The following PPIL4 variants were observed in gnomAD, a reference collection of about 807,000 sequenced individuals.
PPIL4 encodes the protein peptidyl-prolyl cis-trans isomerase-like 4.
A neutral mutation model predicts 69.1 loss-of-function variants in PPIL4; 50 were observed. The observed-to-expected ratio is 0.72, with a 90% CI of 0.58 to 0.92. PPIL4 has a LOEUF of 0.92. PPIL4 is among the 40% of genes least tolerant of loss of function. The pLI, the probability that PPIL4 is intolerant of heterozygous loss-of-function variation, is 0.00. For missense variants in PPIL4, 480 were observed against 587.9 expected (o/e 0.82, Z 1.90); for synonymous variants, 193 against 191.6 (o/e 1.01, Z -0.06).
intron 1 of PPIL4, among the ~76,000 whole-genome samples, chr6:149,543,130 C>T (rs552255676): frequency 2.2e-4 from 34 of 152,364 alleles, no homozygotes; most frequent in African/African-American, 7.0e-4. Flanking sequence ...CCTTAACCCA[C>T]TGACCAATTT....
At position 149,541,749 on chromosome 6, in the gene PPIL4, C is replaced by T. The variant is rs115085646; in HGVS notation, c.71-163G>A. On this transcript the variant is annotated intron_variant, in intron 1 of 12. Coordinates refer to ENST00000253329, the MANE Select transcript of PPIL4 (RefSeq NM_139126.4). The stretch of plus-strand genomic sequence containing the variant: ...GCAATAGGCCGGGCGCTGGCTCACA[C>T]CTGTAATCGCAGCGCTTTGGGAGGC... Among the ~76,000 whole-genome samples the T allele has an allele frequency of 3.6e-3, 550 of 152,284 alleles. 2 individuals are homozygous for T. The highest frequency in any genetic ancestry group is 0.013 in the African/African-American group (535 of 41,564).
intron 12 of PPIL4, 98 bp downstream of exon 12, chr6:149,512,057 G>T: frequency 2.9e-6 from 3 of 1,029,574 alleles, no homozygotes; most frequent in Non-Finnish European, 4.2e-6. Context: ...TCTCTGCTTA[G>T]AACTATCCCT....
intron 7 of PPIL4, 77 bp from the exon 8 acceptor site, chr6:149,526,853 C>T: frequency 1.5e-6 from 2 of 1,366,920 alleles, no homozygotes; most frequent in Non-Finnish European, 1.0e-6. Context: ...TCCCACAATG[C>T]TGATTTCCTT....
At chr6:149,520,711 T>C (rs1010808283) in intron 10 of PPIL4, among the ~76,000 whole-genome samples, 2 of 151,954 alleles carry the variant, frequency 1.3e-5, no homozygotes, top group Admixed American at 1.3e-4. Flanking sequence ...CATACAAGCA[T>C]GAAAAGCATA....
intron 11 of PPIL4, among the ~76,000 whole-genome samples, chr6:149,514,763 CA>C (rs1776915534): frequency 2.1e-5 from 1 of 46,772 alleles, no homozygotes; most frequent in Non-Finnish European, 4.2e-5. Context: ...TCTTTTGGTT[CA>C]AGTGTGTGTG....
chr6:149,527,294 G>A (rs545033698), intron 7 of PPIL4, among the ~76,000 whole-genome samples: 27 of 152,296 alleles, frequency 1.8e-4, no homozygotes, highest in African/African-American at 6.5e-4. Flanking sequence ...GGAGGCGGAG[G>A]TTGCAGTGAG....
intron 4 of PPIL4, 89 bp downstream of exon 4, chr6:149,540,853 C>T (rs1038141968): frequency 1.4e-6 from 1 of 716,624 alleles, no homozygotes; most frequent in Non-Finnish European, 2.3e-6. Context: ...ACCCTCTAAG[C>T]CTTACTGGAT....
chr6:149,526,145 A>G (rs1777103266), intron 8 of PPIL4, among the ~76,000 whole-genome samples: 1 of 152,118 alleles, frequency 6.6e-6, no homozygotes, highest in African/African-American at 2.4e-5. Context: ...TCCCTGAAAC[A>G]AAAGGAAACC....
chr6:149,535,036 T>A (rs905395937), intron 5 of PPIL4, among the ~76,000 whole-genome samples: 2 of 152,200 alleles, frequency 1.3e-5, no homozygotes, highest in Non-Finnish European at 2.9e-5. Flanking sequence ...GCCCTACTTC[T>A]CAATTAAAAA....
rs749303961 is a variant in PPIL4 at position 149,521,052 on chromosome 6, C to G, written c.982+8G>C. On this transcript the variant is annotated splice_region_variant and intron_variant, in intron 10 of 12. Coordinates refer to ENST00000253329, the MANE Select transcript of PPIL4 (RefSeq NM_139126.4). ...AGCAGAACAAAAACAAAAGATAAACCATCATACCTTTTCCTTTCCATTTAA... is the reference window on the plus strand; with the variant it reads ...AGCAGAACAAAAACAAAAGATAAACGATCATACCTTTTCCTTTCCATTTAA... 7.1e-7 allele frequency: 1 copy of G among 1,415,108 alleles called. No individual in the cohort carries two copies. The allele number at this position is 1,415,108 out of a possible 1,614,324, so 87.7% of individuals were successfully genotyped here.
intron 7 of PPIL4, among the ~76,000 whole-genome samples, chr6:149,532,216 A>C (rs1252603692): frequency 6.6e-6 from 1 of 152,260 alleles, no homozygotes; most frequent in East Asian, 1.9e-4. Context: ...AATGTTAAAA[A>C]TTGGTGAATG....
At position 149,517,395 on chromosome 6, in the gene PPIL4, T is replaced by C. The variant is rs1439901524; in HGVS notation, c.1038A>G (p.Pro346=). 6.2e-7 allele frequency: 1 copy of C among 1,607,078 alleles called. No individual in the cohort carries two copies. The highest frequency in any genetic ancestry group is 8.5e-7 in the Non-Finnish European group (1 of 1,174,874). The change falls in exon 11 of 13, where the codon CCA becomes CCG. Residue 346 remains proline, a synonymous_variant. Coordinates refer to ENST00000253329, the MANE Select transcript of PPIL4 (RefSeq NM_139126.4). ...FKEYEKEQDK[P]PNLVLKDKVK... is the part of the protein sequence containing the mutation. ...CTTTATCTTTCAGAACCAAATTAGG[T>C]GGTTTATCCTGTTCTTTTTCATACT...
chr6:149,541,428 C>T lies in PPIL4; in HGVS notation c.142G>A (p.Asp48Asn), dbSNP rs1777360458. Residue 48 changes from aspartate to asparagine, a missense_variant, in exon 3 of 13, where the codon GAT becomes AAT. Transcript: ENST00000253329. ...NYCLIHNVQRDFIIQTGDPTG... is the reference protein window; with the variant it reads ...NYCLIHNVQRNFIIQTGDPTG... ...GGATCGCCAGTTTGTATGATAAAAT[C>T]CCTCTGTAATATGTAGGATTCTTTG... 6.4e-7 allele frequency: 1 copy of T among 1,570,844 alleles called. No individual in the cohort carries two copies. Among genetic ancestry groups the T allele is most frequent in the African/African-American group, 1.4e-5 (1 of 73,832 alleles).
chr6:149,515,895 A>C (rs568607012), intron 11 of PPIL4, among the ~76,000 whole-genome samples: 3 of 152,082 alleles, frequency 2.0e-5, no homozygotes, highest in Non-Finnish European at 4.4e-5. Context: ...GATTCTTCTT[A>C]TTAATAATCT....
In PPIL4 at chr6:149,541,525, A is replaced by C. The variant is rs1424940857; in HGVS notation, c.132T>G (p.Asn44Lys). The C allele has an allele frequency of 6.3e-7, 1 of 1,577,782 alleles. No individual in the cohort carries two copies. The highest frequency in any genetic ancestry group is 1.1e-5 in the South Asian group (1 of 90,044). The change falls in exon 2 of 13, where the codon AAT becomes AAG. Residue 44 changes from asparagine to lysine, a missense_variant. By Grantham distance (94) the Asn-to-Lys change is moderately conservative. Coordinates refer to ENST00000253329, the MANE Select transcript of PPIL4 (RefSeq NM_139126.4). ...IKYYNYCLIHNVQRDFIIQTG... is the reference protein window; with the variant it reads ...IKYYNYCLIHKVQRDFIIQTG... ...CTAATATCTACCAACTCACCTGTAC[A>C]TTGTGAATAAGGCAATAATTGTAAT...
At chr6:149,514,431 C>A (rs997952050) in intron 11 of PPIL4, among the ~76,000 whole-genome samples, 3 of 152,174 alleles carry the variant, frequency 2.0e-5, no homozygotes, top group Non-Finnish European at 4.4e-5. Flanking sequence ...AAGCAATTCT[C>A]CTGCCTCAGC....
intron 10 of PPIL4, among the ~76,000 whole-genome samples, chr6:149,520,570 T>TGCATGTGTGTGCACACAC (rs959528761): frequency 1.5e-5 from 2 of 137,458 alleles, no homozygotes; most frequent in Non-Finnish European, 3.0e-5. Flanking sequence ...GGTGCACACA[T>TGCATGTGTGTGCACACAC]GCATGTGTGT....
At chr6:149,539,579 C>G (rs1290201929) in intron 4 of PPIL4, among the ~76,000 whole-genome samples, 3 of 152,100 alleles carry the variant, frequency 2.0e-5, no homozygotes, top group Non-Finnish European at 2.9e-5. Context: ...GGGTTTTCAC[C>G]ATGTTTCCTG....
At position 149,526,736 on chromosome 6, in the gene PPIL4, T is replaced by C. The variant is rs772581188; in HGVS notation, c.719A>G (p.Asn240Ser). Reference protein sequence around the residue: ...LPDADIKPPENVLFVCKLNPV... With the variant: ...LPDADIKPPESVLFVCKLNPV... The stretch of plus-strand genomic sequence containing the variant: ...GTTCAATTTACACACAAACAGTACA[T>C]TTTCTGGAGGTTTAATATCTGCATC... Residue 240 changes from asparagine (N) to serine (S), a missense_variant, in exon 8 of 13, where the codon AAT becomes AGT. Physicochemically the swap from Asn to Ser is conservative, Grantham distance 46. Transcript: ENST00000253329. 2 of 1,612,806 alleles carry C rather than the reference T, an allele frequency of 1.2e-6. No individual in the cohort carries two copies. Among genetic ancestry groups the C allele is most frequent in the Non-Finnish European group, 1.7e-6 (2 of 1,179,204 alleles).
Sources: allele counts gnomAD v4.1 joint callset (sites outside exome capture counted in the v4.1 genomes callset), GRCh38; gene constraint gnomAD v4.1.1; transcripts MANE v1.5; gene names NCBI Gene and HGNC (gene_info 2026-07-23, HGNC 2026-07-21).